Variants in RYR1 observed in about 807,000 individuals in gnomAD.
RYR1 encodes ryanodine receptor 1.
RYR1 carries 342 observed loss-of-function variants against 583.5 expected under a neutral mutation model. The ratio of observed to expected loss-of-function variants is 0.59; its 90% CI spans 0.54 to 0.64. RYR1 has a LOEUF of 0.64. Among genes scored for constraint, RYR1 ranks in the 30% least tolerant of loss-of-function variants. RYR1 has a pLI of 0.00. For synonymous variants in RYR1, 2,791 were observed against 2,822.5 expected, an observed-to-expected ratio of 0.99 and a Z score of 0.35; for missense variants, 6,032 against 6,917.2, an observed-to-expected ratio of 0.87 and a Z score of 4.54.
chr19:38,541,745 G>A (rs911808270), intron 84 of RYR1, among the ~76,000 whole-genome samples: 91 of 151,830 alleles, frequency 6.0e-4, no homozygotes, highest in African/African-American at 2.1e-3. Context: ...ACCATAGATT[G>A]CAGTCAGAAA....
chr19:38,457,255 T>A (rs1967461167), intron 16 of RYR1, among the ~76,000 whole-genome samples: 1 of 151,880 alleles, frequency 6.6e-6, no homozygotes, highest in South Asian at 2.1e-4. Context: ...CTTCCTTACA[T>A]TGCTGATACC....
chr19:38,496,164 C>T lies in RYR1; in HGVS notation c.6549-51C>T, dbSNP rs373306259. On this transcript the variant is annotated intron_variant, in intron 39 of 105. Transcript: ENST00000359596. This position sits in a 1 kb window ranked among gnomAD's most constrained non-coding sequence, Gnocchi z 4.8. ...ACGCTGTCACAGTGGTGGCTATGGC[C>T]CTCTCCGGACCTGGGCCCCTGGTGA... 1.3e-5 allele frequency: 19 copies of T among 1,471,570 alleles called. 1 individual carries two copies. Among genetic ancestry groups the T allele is most frequent in the Admixed American group, 3.3e-5 (2 of 59,808 alleles). 91.2% of individuals were successfully genotyped at this position (1,471,570 alleles called of 1,614,324 possible).
chr19:38,465,240 G>A (rs1188214851), intron 23 of RYR1, among the ~76,000 whole-genome samples: 1 of 152,064 alleles, frequency 6.6e-6, no homozygotes, highest in African/African-American at 2.4e-5. Context: ...GGAGGTTGAG[G>A]CAGGAAGATC....
chr19:38,531,526 G>C (rs1444151520), intron 76 of RYR1, among the ~76,000 whole-genome samples: 1 of 151,880 alleles, frequency 6.6e-6, no homozygotes, highest in Non-Finnish European at 1.5e-5. Context: ...GGCCATACTT[G>C]TTATTGAGCT....
chr19:38,514,345 A>G (rs983654866), intron 63 of RYR1, among the ~76,000 whole-genome samples: 6 of 151,118 alleles, frequency 4.0e-5, no homozygotes, highest in Admixed American at 2.6e-4. Context: ...CAGTGGCGCA[A>G]TCTCAGCTCA....
chr19:38,547,205 A>ATTTTTTTTTTTT (rs1204178433), intron 88 of RYR1, among the ~76,000 whole-genome samples: 1 of 123,668 alleles, frequency 8.1e-6, no homozygotes, highest in East Asian at 2.5e-4. Flanking sequence ...CACCTGGCTA[A>ATTTTTTTTTTTT]TTTTTTTTTT....
At chr19:38,571,082 G>A (rs1973692889) in intron 94 of RYR1, among the ~76,000 whole-genome samples, 1 of 152,190 alleles carries the variant, frequency 6.6e-6, no homozygotes, top group Non-Finnish European at 1.5e-5. Flanking sequence ...GGAAGAAATG[G>A]GCCACTCACA....
At chr19:38,536,829 A>T in intron 83 of RYR1, 62 bp downstream of exon 83, 1 of 1,541,406 alleles carries the variant, frequency 6.5e-7, no homozygotes, top group Non-Finnish European at 8.9e-7. Context: ...AACCCCGTCC[A>T]CCCCTCCACC....
chr19:38,485,553 T>C (rs1383781527), intron 33 of RYR1, 37 bp from the exon 34 acceptor site: 1 of 1,604,306 alleles, frequency 6.2e-7, no homozygotes, highest in Non-Finnish European at 8.5e-7. Context: ...AGGAGGCTCA[T>C]TCATCTGTCC....
intron 58 of RYR1, among the ~76,000 whole-genome samples, chr19:38,509,608 T>C (rs1600862695): frequency 6.6e-6 from 1 of 151,910 alleles, no homozygotes. Context: ...CCTGCCACCA[T>C]GCCCGGTTAA....
In RYR1 at chr19:38,448,782, A is replaced by C. The variant is rs773211591; in HGVS notation, c.1091A>C (p.Lys364Thr). 2 of 1,614,152 alleles carry C rather than the reference A, an allele frequency of 1.2e-6. No homozygotes were observed. Among genetic ancestry groups the C allele is most frequent in the Non-Finnish European group, 1.7e-6 (2 of 1,180,034 alleles). Residue 364 changes from lysine to threonine, a missense_variant, in exon 11 of 106, where the codon AAG becomes ACG. Lys to Thr is a moderately conservative substitution (Grantham distance 78). Coordinates refer to ENST00000359596, the MANE Select transcript of RYR1 (RefSeq NM_000540.3). ...LWLTYAAPDP[K>T]ALRLGVLKKK... ...CTCACCTATGCTGCTCCAGACCCCA[A>C]GGCCCTGCGGCTCGGCGTGCTCAAG...
At position 38,566,802 on chromosome 19, in the gene RYR1, C is replaced by T. The variant is rs537129407; in HGVS notation, c.13438-109C>T. The T allele has an allele frequency of 1.0e-5, 16 of 1,543,126 alleles. No individual in the cohort carries two copies. The South Asian group carries it at 1.4e-4, about 14-fold the overall frequency. ...CTTTCTGGTGGAGGGAAGTGTAAAACTTAGATTACCCAGGGGAAATAAGAG... is the reference window on the plus strand; with the variant it reads ...CTTTCTGGTGGAGGGAAGTGTAAAATTTAGATTACCCAGGGGAAATAAGAG... On this transcript the variant is annotated intron_variant, in intron 91 of 105. Coordinates refer to ENST00000359596, the MANE Select transcript of RYR1 (RefSeq NM_000540.3).
intron 77 of RYR1, 37 bp from the exon 78 acceptor site, chr19:38,532,634 T>C: frequency 6.2e-7 from 1 of 1,613,880 alleles, no homozygotes; most frequent in African/African-American, 1.3e-5. Context: ...TGGAGGGGTC[T>C]GCTTTGTTCA....
chr19:38,570,682 C>T lies in RYR1; in HGVS notation c.13735C>T (p.Leu4579=), dbSNP rs934721165. 4 of 1,613,694 alleles carry T rather than the reference C, an allele frequency of 2.5e-6. No individual in the cohort carries two copies. Among genetic ancestry groups the T allele is most frequent in the Non-Finnish European group, 3.4e-6 (4 of 1,179,796 alleles). ...FLAFAINFIL[L]FYKVSDSPPG... is the part of the protein sequence containing the mutation. ...GGCATTTGCCATCAACTTCATCTTG[C>T]TGTTTTATAAGGTGCTGGTCCTGAA... The change falls in exon 94 of 106, where the codon CTG becomes TTG. Residue 4579 remains leucine (L), a synonymous_variant. Transcript: ENST00000359596.
At chr19:38,576,022 C>G (rs1053228659) in intron 97 of RYR1, 61 bp downstream of exon 97, 15 of 1,585,324 alleles carry the variant, frequency 9.5e-6, no homozygotes, top group Non-Finnish European at 9.5e-6. Flanking sequence ...CAGGCCATCA[C>G]AGGCCTGCCA....
Position 38,517,550 on chromosome 19 carries a change from C to T in RYR1, c.9877C>T (p.Pro3293Ser), listed in dbSNP as rs1026249667. ...GTGGGAGCGCGGGCCCGAGGCACCC[C>T]CTTCCGCCCTGCCCGCCGGCGCCCC... ...RWWERGPEAP[P>S]SALPAGAPPP... Residue 3293 changes from proline to serine, a missense_variant, in exon 66 of 106, where the codon CCT becomes TCT. Around this residue, in one of 11 missense-constraint regions of RYR1, gnomAD observed 1,493 missense variants for 1,715.5 expected, o/e 0.87. Transcript: ENST00000359596. 2.5e-6 allele frequency: 4 copies of T among 1,613,744 alleles called. No homozygotes were observed. The highest frequency in any genetic ancestry group is 1.7e-5 in the Admixed American group (1 of 59,976).
chr19:38,451,558 G>A (rs1166358927), intron 11 of RYR1, among the ~76,000 whole-genome samples: 3 of 152,100 alleles, frequency 2.0e-5, no homozygotes, highest in South Asian at 4.1e-4. Flanking sequence ...CAAAAACAGG[G>A]ACAGAGAGAG....
At chr19:38,471,805 G>A (rs191936360) in intron 27 of RYR1, among the ~76,000 whole-genome samples, 1 of 151,256 alleles carries the variant, frequency 6.6e-6, no homozygotes, top group African/African-American at 2.4e-5. Flanking sequence ...GGGAGGCTGA[G>A]GCAGGAGAAT....
intron 96 of RYR1, among the ~76,000 whole-genome samples, chr19:38,573,866 A>C (rs909295479): frequency 2.0e-5 from 3 of 151,944 alleles, no homozygotes; most frequent in Admixed American, 6.6e-5. Flanking sequence ...CTGTTCAGTG[A>C]CTCTGGGGTG....
Sources: gnomAD v4.1 joint callset for allele counts (sites outside exome capture counted in the v4.1 genomes callset) on GRCh38, gnomAD v4.1.1 for gene constraint, gnomAD v4.1.1 regional missense constraint, Gnocchi (gnomAD v3.1) non-coding constraint, MANE v1.5 for transcripts, NCBI Gene and HGNC (gene_info 2026-07-23, HGNC 2026-07-21) for gene names.